STPG2: variants seen among roughly 807,000 people sequenced by gnomAD.
The protein encoded by STPG2 is sperm tail PG-rich repeat containing 2.
In STPG2, 56 loss-of-function variants were observed where a neutral mutation model predicts 54.2. That is an observed-to-expected ratio of 1.03 (90% CI 0.83 to 1.29). The LOEUF is 1.29. STPG2 is among the 50% of genes most tolerant of loss of function. STPG2 has a pLI of 0.00. For missense variants in STPG2, 596 were observed against 544.9 expected (o/e 1.09, Z -0.93); for synonymous variants, 200 against 181.8 (o/e 1.10, Z -0.81).
In STPG2 at chr4:97,621,207, C is replaced by T. The variant is rs539784427; in HGVS notation, c.1321-62090G>A. 2.6e-5 allele frequency among the ~76,000 whole-genome samples: 4 copies of T among 152,156 alleles called. No individual in the cohort carries two copies. The South Asian group carries it at 6.2e-4, about 24-fold the overall frequency. On this transcript the variant is annotated intron_variant, in intron 10 of 10. Coordinates refer to ENST00000295268, the MANE Select transcript of STPG2 (RefSeq NM_174952.3). ...AAAAGATACAAAGATCTAAAATTAA[C>T]AATCTAACATCACAACTAGAGGAAC... is the stretch of plus-strand genomic sequence containing the variant.
chr4:97,606,407 T>G (rs992161162), intron 10 of STPG2, among the ~76,000 whole-genome samples: 1 of 151,900 alleles, frequency 6.6e-6, no homozygotes, highest in African/African-American at 2.4e-5. Flanking sequence ...TAAGTGGTAC[T>G]CTCTATCAGT....
At chr4:97,927,575 TCC>T (rs957289728) in intron 8 of STPG2, among the ~76,000 whole-genome samples, 13 of 152,286 alleles carry the variant, frequency 8.5e-5, no homozygotes, top group African/African-American at 3.1e-4. Flanking sequence ...TATAATAACA[TCC>T]GAGATCTTTA....
At chr4:97,742,519 CTGTGTGTGTGTGTGTG>C (rs150619013) in intron 9 of STPG2, among the ~76,000 whole-genome samples, 24 of 125,108 alleles carry the variant, frequency 1.9e-4, no homozygotes, top group East Asian at 4.7e-4. Context: ...AATGAATAAA[CTGTGTGTGTGTGTGTG>C]TGTGTGTGTG....
At chr4:97,636,834 A>G (rs1034461646) in intron 10 of STPG2, among the ~76,000 whole-genome samples, 3 of 152,028 alleles carry the variant, frequency 2.0e-5, no homozygotes, top group African/African-American at 7.2e-5. Flanking sequence ...AGGATCTGAA[A>G]TTGTGGCAAT....
chr4:97,908,431 T>G (rs1731536829), intron 8 of STPG2, among the ~76,000 whole-genome samples: 1 of 149,738 alleles, frequency 6.7e-6, no homozygotes, highest in African/African-American at 2.5e-5. Flanking sequence ...TGTAAACTAG[T>G]TCAACCATTG....
intron 4 of STPG2, among the ~76,000 whole-genome samples, chr4:98,107,833 G>T (rs1160642729): frequency 6.6e-6 from 1 of 151,904 alleles, no homozygotes; most frequent in Admixed American, 6.6e-5. Context: ...AAAAGGATAG[G>T]ATTAAAATAC....
intron 10 of STPG2, among the ~76,000 whole-genome samples, chr4:97,623,982 G>T (rs957246625): frequency 1.2e-4 from 19 of 152,066 alleles, no homozygotes; most frequent in African/African-American, 4.3e-4. Flanking sequence ...TCCTTTTTAT[G>T]GCTGCATAGT....
intron 4 of STPG2, among the ~76,000 whole-genome samples, chr4:97,495,726 A>C: frequency 7.1e-6 from 1 of 140,746 alleles, no homozygotes; most frequent in Admixed American, 7.2e-5. Flanking sequence ...AAAAAAAAAA[A>C]CACAGAACTA....
chr4:97,613,899 G>C (rs976235269), intron 10 of STPG2, among the ~76,000 whole-genome samples: 1 of 151,814 alleles, frequency 6.6e-6, no homozygotes, highest in African/African-American at 2.4e-5. Context: ...TTCCCAATGA[G>C]CTCTGGCTTA....
intron 8 of STPG2, among the ~76,000 whole-genome samples, chr4:97,882,316 C>T (rs1164837827): frequency 6.6e-6 from 1 of 150,670 alleles, no homozygotes; most frequent in African/African-American, 2.4e-5. Context: ...AAATAGCTGC[C>T]ACTGTGAAAC....
intron 8 of STPG2, among the ~76,000 whole-genome samples, chr4:97,863,816 T>C (rs1393061439): frequency 2.0e-5 from 3 of 152,172 alleles, no homozygotes; most frequent in Admixed American, 2.0e-4. Flanking sequence ...ATAAACGTGA[T>C]CCAGCATATA....
intron 8 of STPG2, among the ~76,000 whole-genome samples, chr4:97,866,413 A>G (rs1020222819): frequency 1.3e-5 from 2 of 152,034 alleles, no homozygotes; most frequent in Non-Finnish European, 2.9e-5. Context: ...AATGTTTTAA[A>G]AGAAAATCAT....
At chr4:97,574,900 C>A (rs1408714657) in intron 10 of STPG2, among the ~76,000 whole-genome samples, 2 of 151,624 alleles carry the variant, frequency 1.3e-5, no homozygotes, top group African/African-American at 4.8e-5. Flanking sequence ...AATAGTTAAT[C>A]TTCAAAGAAA....
At chr4:97,839,067 T>C (rs1279698670) in intron 9 of STPG2, among the ~76,000 whole-genome samples, 1 of 151,642 alleles carries the variant, frequency 6.6e-6, no homozygotes, top group Admixed American at 6.6e-5. Flanking sequence ...AAATAATAAC[T>C]GTCTTCCAAA....
At chr4:97,585,534 T>C (rs1732976088) in intron 10 of STPG2, among the ~76,000 whole-genome samples, 1 of 151,934 alleles carries the variant, frequency 6.6e-6, no homozygotes, top group Non-Finnish European at 1.5e-5. Flanking sequence ...CCAAAGTGTA[T>C]TGGTAGAGAG....
chr4:97,556,740 C>A (rs186959302), downstream of STPG2, among the ~76,000 whole-genome samples: 6 of 152,218 alleles, frequency 3.9e-5, no homozygotes, highest in South Asian at 2.1e-4. Flanking sequence ...ATAATAATTT[C>A]TCTCCTATAT....
At chr4:97,605,187 C>A (rs1344407121) in intron 10 of STPG2, among the ~76,000 whole-genome samples, 1 of 151,686 alleles carries the variant, frequency 6.6e-6, no homozygotes, top group Non-Finnish European at 1.5e-5. Context: ...TATTTCATTA[C>A]CTTTTTAGCT....
chr4:97,463,450 T>G (rs1371891688), intron 4 of STPG2: 1 of 152,218 alleles, frequency 6.6e-6, no homozygotes, highest in Non-Finnish European at 1.5e-5. Context: ...GTTGTTTGTT[T>G]TTTGTTTATT....
In STPG2 at chr4:97,935,666, T is replaced by C. The variant is rs997276700; in HGVS notation, c.1044+8231A>G. ...CAGGAATCATACATGAGCAGGATGTTCAACTTCCATGTAGTGCGGTTTTTA... is the reference window on the plus strand; with the variant it reads ...CAGGAATCATACATGAGCAGGATGTCCAACTTCCATGTAGTGCGGTTTTTA... On this transcript the variant is annotated intron_variant, in intron 8 of 10. Transcript: ENST00000295268. 6.6e-5 allele frequency among the ~76,000 whole-genome samples: 10 copies of C among 152,206 alleles called. 1 individual carries two copies. Among genetic ancestry groups the C allele is most frequent in the Admixed American group, 6.5e-4 (10 of 15,278 alleles).
Sources: allele counts gnomAD v4.1 joint callset (sites outside exome capture counted in the v4.1 genomes callset), GRCh38; gene constraint gnomAD v4.1.1; transcripts MANE v1.5; gene names NCBI Gene and HGNC (gene_info 2026-07-23, HGNC 2026-07-21).